The following PTPRO variants were observed in gnomAD, a reference collection of about 807,000 sequenced individuals.
PTPRO encodes the protein protein tyrosine phosphatase receptor type O, also known as receptor-type tyrosine-protein phosphatase O.
PTPRO carries 62 observed loss-of-function variants against 145.2 expected under a neutral mutation model. That is an observed-to-expected ratio of 0.43 (90% CI 0.35 to 0.53). PTPRO has a LOEUF of 0.53. Among genes scored for constraint, PTPRO ranks in the 20% least tolerant of loss-of-function variants. The probability of loss-of-function intolerance (pLI) is 0.01; values close to 1 mark genes in which losing one functional copy is unlikely to be tolerated. For missense variants in PTPRO, 1,345 were observed against 1,482.7 expected (o/e 0.91, Z 1.53); for synonymous variants, 565 against 514.7 (o/e 1.10, Z -1.32).
At chr12:15,393,098 T>C (rs766986197) in intron 1 of PTPRO, among the ~76,000 whole-genome samples, 2 of 152,228 alleles carry the variant, frequency 1.3e-5, no homozygotes. Context: ...GATCATGTTT[T>C]CTTGCATGCA....
chr12:15,507,940 A>AGGCACTTTAG (rs1454901103), intron 6 of PTPRO, among the ~76,000 whole-genome samples: 1 of 152,252 alleles, frequency 6.6e-6, no homozygotes, highest in Non-Finnish European at 1.5e-5. Context: ...CACTGTGTTA[A>AGGCACTTTAG]GAACCACTTT....
At chr12:15,515,133 C>T (rs548853404) in intron 7 of PTPRO, among the ~76,000 whole-genome samples, 1 of 152,224 alleles carries the variant, frequency 6.6e-6, no homozygotes, top group East Asian at 1.9e-4. Context: ...CATTTCCGTA[C>T]TGACCTTTGT....
chr12:15,439,584 G>T, intron 1 of PTPRO: 2 of 278,986 alleles, frequency 7.2e-6, no homozygotes, highest in Non-Finnish European at 7.1e-6. Context: ...CCCTGGGATG[G>T]GGAACCACAG....
chr12:15,566,207 C>A (rs939209349), intron 18 of PTPRO, among the ~76,000 whole-genome samples: 2 of 152,134 alleles, frequency 1.3e-5, no homozygotes, highest in Non-Finnish European at 2.9e-5. Flanking sequence ...TAGATTATCA[C>A]CTCCATGCCT....
At chr12:15,579,584 G>A (rs1199125150) in intron 20 of PTPRO, among the ~76,000 whole-genome samples, 1 of 152,194 alleles carries the variant, frequency 6.6e-6, no homozygotes, top group Non-Finnish European at 1.5e-5. Context: ...CTTCACATCT[G>A]TACACAGTTC....
At chr12:15,410,205 A>G (rs1939760995) in intron 1 of PTPRO, 1 of 152,250 alleles carries the variant, frequency 6.6e-6, no homozygotes, top group African/African-American at 2.4e-5. Context: ...TGAAACGTGC[A>G]TGTCATAGTT....
At chr12:15,445,752 T>C (rs565399489) in intron 1 of PTPRO, among the ~76,000 whole-genome samples, 85 of 152,312 alleles carry the variant, frequency 5.6e-4, no homozygotes, top group Middle Eastern at 6.8e-3. Flanking sequence ...TCAACTTAAA[T>C]TGACATGGGC....
At chr12:15,528,360 C>CAAA (rs577995184) in intron 12 of PTPRO, among the ~76,000 whole-genome samples, 36 of 124,610 alleles carry the variant, frequency 2.9e-4, no homozygotes, top group Admixed American at 7.2e-4. Flanking sequence ...AATAAAAATA[C>CAAA]AAAAAAAAAA....
intron 1 of PTPRO, among the ~76,000 whole-genome samples, chr12:15,358,149 C>T (rs2136239091): frequency 6.8e-6 from 1 of 147,024 alleles, no homozygotes; most frequent in South Asian, 2.2e-4. Flanking sequence ...AAAAACCAAA[C>T]ACTCTCATGT....
At chr12:15,348,277 C>T (rs929902983) in intron 1 of PTPRO, 1 of 152,138 alleles carries the variant, frequency 6.6e-6, no homozygotes, top group African/African-American at 2.4e-5. Context: ...CCATTGCTGG[C>T]TTGGAAGATG....
At chr12:15,328,340 G>A (rs993251056) in intron 1 of PTPRO, among the ~76,000 whole-genome samples, 1 of 152,066 alleles carries the variant, frequency 6.6e-6, no homozygotes, top group Non-Finnish European at 1.5e-5. Flanking sequence ...AAGTCTTTCA[G>A]CATCTAATTC....
intron 1 of PTPRO, among the ~76,000 whole-genome samples, chr12:15,458,986 C>G (rs1272841146): frequency 6.6e-6 from 1 of 152,108 alleles, no homozygotes; most frequent in African/African-American, 2.4e-5. Flanking sequence ...AGAAGACCTT[C>G]ACCTATCAGC....
intron 1 of PTPRO, among the ~76,000 whole-genome samples, chr12:15,344,169 A>G (rs1169638539): frequency 6.6e-6 from 1 of 152,222 alleles, no homozygotes; most frequent in African/African-American, 2.4e-5. Flanking sequence ...GCACCATTTC[A>G]CAATTCTCAC....
At chr12:15,403,892 C>G (rs927976289) in intron 1 of PTPRO, among the ~76,000 whole-genome samples, 7 of 151,866 alleles carry the variant, frequency 4.6e-5, no homozygotes, top group East Asian at 1.9e-4. Flanking sequence ...TTATTTTATA[C>G]CAATTCCTTA....
At chr12:15,550,234 G>A (rs1488259574) in intron 14 of PTPRO, among the ~76,000 whole-genome samples, 1 of 152,110 alleles carries the variant, frequency 6.6e-6, no homozygotes, top group African/African-American at 2.4e-5. Flanking sequence ...TTACAATAAA[G>A]TAAGCTAGAG....
chr12:15,532,318 A>C (rs1942978998), intron 12 of PTPRO, among the ~76,000 whole-genome samples: 1 of 152,120 alleles, frequency 6.6e-6, no homozygotes, highest in Non-Finnish European at 1.5e-5. Context: ...TTTCTTCTAA[A>C]TTATTTTACT....
intron 1 of PTPRO, among the ~76,000 whole-genome samples, chr12:15,411,789 T>C (rs753470782): frequency 2.6e-5 from 4 of 152,104 alleles, no homozygotes; most frequent in Non-Finnish European, 5.9e-5. Flanking sequence ...TTTTCAAGAG[T>C]TTAATCCTCA....
intron 1 of PTPRO, among the ~76,000 whole-genome samples, chr12:15,327,284 TACCTC>T (rs1866471877): frequency 6.6e-6 from 1 of 152,344 alleles, no homozygotes; most frequent in South Asian, 2.1e-4. Flanking sequence ...TCATTAATGT[TACCTC>T]ACCTCTGTTT....
chr12:15,415,308 T>C (rs1231183125), intron 1 of PTPRO, among the ~76,000 whole-genome samples: 2 of 152,174 alleles, frequency 1.3e-5, no homozygotes, highest in Non-Finnish European at 2.9e-5. Flanking sequence ...TAAGAAAAGG[T>C]AAATAATATT....
Sources: allele counts gnomAD v4.1 joint callset (sites outside exome capture counted in the v4.1 genomes callset), GRCh38; gene constraint gnomAD v4.1.1; transcripts MANE v1.5; gene names NCBI Gene and HGNC (gene_info 2026-07-23, HGNC 2026-07-21).